Variants in DEPTOR observed in about 807,000 individuals in gnomAD.
DEPTOR encodes DEP domain containing MTOR interacting protein, also known as DEP domain-containing mTOR-interacting protein.
Under a neutral mutation model 41.6 loss-of-function variants are expected in DEPTOR, and 41 were observed. That is an observed-to-expected ratio of 0.98 (90% CI 0.77 to 1.28). The LOEUF is 1.28. Ranked by LOEUF, DEPTOR falls within the 50% of genes most tolerant of loss-of-function variation. The probability of loss-of-function intolerance (pLI) is 0.00; values close to 1 mark genes in which losing one functional copy is unlikely to be tolerated. For synonymous variants in DEPTOR, 195 were observed against 192.3 expected (o/e 1.01, Z -0.12); for missense variants, 514 against 527.9 (o/e 0.97, Z 0.26).
Position 120,049,448 on chromosome 8 carries a change from C to T in DEPTOR, c.1102-128C>T, listed in dbSNP as rs1034164098. 33 of 1,071,268 alleles carry T rather than the reference C, an allele frequency of 3.1e-5. No homozygotes were observed. In the African/African-American group the frequency reaches 3.2e-4, roughly 10 times the overall value. The allele number at this position is 1,071,268 out of a possible 1,614,324, so 66.4% of individuals were successfully genotyped here. The stretch of plus-strand genomic sequence containing the variant: ...TCCTTGGAAATTATTGAATTGGAGT[C>T]GTCAGCTGGATACATTTGGATATTT... On this transcript the variant is annotated intron_variant, in intron 8 of 8. Coordinates refer to ENST00000286234, the MANE Select transcript of DEPTOR (RefSeq NM_022783.4).
chr8:119,887,524 T>C (rs956252533), intron 1 of DEPTOR, among the ~76,000 whole-genome samples: 1 of 111,940 alleles, frequency 8.9e-6, no homozygotes, highest in African/African-American at 3.5e-5. Context: ...TTTCTGGAGT[T>C]GTACTCACTC....
intron 4 of DEPTOR, among the ~76,000 whole-genome samples, chr8:119,988,752 G>A (rs971452123): frequency 2.0e-5 from 3 of 152,010 alleles, no homozygotes; most frequent in African/African-American, 7.2e-5. Context: ...CAAAGTGCTG[G>A]GATTACAGGT....
At chr8:119,960,312 C>T (rs1041980730) in intron 3 of DEPTOR, among the ~76,000 whole-genome samples, 3 of 151,832 alleles carry the variant, frequency 2.0e-5, no homozygotes, top group African/African-American at 7.3e-5. Context: ...TTGATGATAA[C>T]AACAATTTAG....
intron 3 of DEPTOR, among the ~76,000 whole-genome samples, chr8:119,957,398 A>G (rs953241585): frequency 6.6e-6 from 1 of 152,174 alleles, no homozygotes; most frequent in Non-Finnish European, 1.5e-5. Flanking sequence ...GAAATGGTAC[A>G]TGGTCCAGAT....
intron 1 of DEPTOR, 128 bp from the exon 2 acceptor site, chr8:119,928,272 C>T (rs1827987845): frequency 5.2e-6 from 5 of 970,184 alleles, no homozygotes; most frequent in Admixed American, 5.7e-5. Context: ...AATCACCAAG[C>T]GAGCTAAAGA....
rs192139804 is a variant in DEPTOR, at chr8:119,949,657, T to C, written c.426-15575T>C. Among the ~76,000 whole-genome samples, 13 of 152,294 alleles carry C rather than the reference T, an allele frequency of 8.5e-5. No individual in the cohort carries two copies. In the East Asian group the frequency reaches 1.5e-3, roughly 18 times the overall value. ...GCTAATTTTTATATTTCCTTTAGTT[T>C]ATTCAGATCATTTGCCCGTTTTTAT... On this transcript the variant is annotated intron_variant, in intron 3 of 8. Transcript: ENST00000286234.
chr8:119,967,204 G>A (rs1383880241), intron 4 of DEPTOR, among the ~76,000 whole-genome samples: 1 of 151,748 alleles, frequency 6.6e-6, no homozygotes, highest in Non-Finnish European at 1.5e-5. Context: ...TTAGCCTTCC[G>A]AGTTGCTGAG....
intron 1 of DEPTOR, among the ~76,000 whole-genome samples, chr8:119,877,181 C>T (rs1827241093): frequency 6.6e-6 from 1 of 152,184 alleles, no homozygotes; most frequent in Non-Finnish European, 1.5e-5. Flanking sequence ...AAATGAGATG[C>T]TACATGTAAA....
chr8:119,973,187 C>T (rs1438406855), intron 4 of DEPTOR, among the ~76,000 whole-genome samples: 2 of 152,026 alleles, frequency 1.3e-5, no homozygotes, highest in Non-Finnish European at 2.9e-5. Flanking sequence ...GATCTGCCCA[C>T]CTCAGCCTCC....
At chr8:119,894,384 T>TTTTATTTATTTATTTG (rs1554671412) in intron 1 of DEPTOR, among the ~76,000 whole-genome samples, 18 of 46,488 alleles carry the variant, frequency 3.9e-4, no homozygotes, top group Non-Finnish European at 1.0e-3. Flanking sequence ...AATAGTTCTT[T>TTTTATTTATTTATTTG]TTTATTTATT....
At chr8:119,916,017 ACT>A (rs1213900939) in intron 1 of DEPTOR, among the ~76,000 whole-genome samples, 2 of 150,432 alleles carry the variant, frequency 1.3e-5, no homozygotes, top group Admixed American at 6.7e-5. Context: ...GCAAAATCTG[ACT>A]CTCATTTAAT....
chr8:119,973,519 AGCCACT>A (rs1828659281), intron 4 of DEPTOR, among the ~76,000 whole-genome samples: 1 of 152,216 alleles, frequency 6.6e-6, no homozygotes, highest in African/African-American at 2.4e-5. Flanking sequence ...TACAGGTGTG[AGCCACT>A]GCAAAGGGCC....
intron 4 of DEPTOR, among the ~76,000 whole-genome samples, 189 bp from the exon 5 acceptor site, chr8:120,001,336 T>G (rs1812347113): frequency 1.3e-5 from 2 of 152,130 alleles, no homozygotes; most frequent in South Asian, 2.1e-4. Context: ...GGTTAGCAAA[T>G]TTTTAAAGTG....
At chr8:120,031,519 C>T (rs1303446475) in intron 8 of DEPTOR, among the ~76,000 whole-genome samples, 7 of 152,046 alleles carry the variant, frequency 4.6e-5, no homozygotes, top group African/African-American at 1.4e-4. Flanking sequence ...TGTGCTCCAT[C>T]GTGCTGTAAG....
At chr8:120,020,199 T>C (rs1812678425) in intron 8 of DEPTOR, among the ~76,000 whole-genome samples, 2 of 152,170 alleles carry the variant, frequency 1.3e-5, no homozygotes, top group African/African-American at 4.8e-5. Context: ...GCGATCTTCC[T>C]TCCTCAGCCT....
chr8:119,988,965 T>TC (rs1170386283), intron 4 of DEPTOR, among the ~76,000 whole-genome samples: 2 of 142,306 alleles, frequency 1.4e-5, no homozygotes, highest in African/African-American at 2.6e-5. Flanking sequence ...TTTCTTTTTT[T>TC]TTTTTTTTTT....
Position 119,873,779 on chromosome 8 carries a change from A to G in DEPTOR, c.-68A>G, listed in dbSNP as rs1020845633. ...TGGCGCGGGAAGCGTCTGTGAGGGC[A>G]GACTGATCCGAGCACCCAAACCCTC... On this transcript the variant is annotated 5_prime_UTR_variant, in exon 1 of 9. Transcript: ENST00000286234. 79 of 1,594,944 alleles carry G rather than the reference A, an allele frequency of 5.0e-5. No individual in the cohort carries two copies. The highest frequency in any genetic ancestry group is 6.7e-5 in the Non-Finnish European group (79 of 1,171,060).
intron 8 of DEPTOR, among the ~76,000 whole-genome samples, chr8:120,015,274 G>A (rs1471923092): frequency 6.6e-6 from 1 of 152,126 alleles, no homozygotes; most frequent in African/African-American, 2.4e-5. Flanking sequence ...TGGTTCCATT[G>A]TTGTCCTTCA....
chr8:119,894,715 T>TTTTA, intron 1 of DEPTOR, among the ~76,000 whole-genome samples: 1 of 152,330 alleles, frequency 6.6e-6, no homozygotes, highest in South Asian at 2.1e-4. Flanking sequence ...TCTTAAAAGT[T>TTTTA]AGTAATTGAA....
Sources: allele counts gnomAD v4.1 joint callset (sites outside exome capture counted in the v4.1 genomes callset), GRCh38; gene constraint gnomAD v4.1.1; transcripts MANE v1.5; gene names NCBI Gene and HGNC (gene_info 2026-07-23, HGNC 2026-07-21).